Variants in UNC5C observed in about 807,000 individuals in gnomAD.
UNC5C encodes unc-5 netrin receptor C, also known as netrin receptor UNC5C.
UNC5C carries 47 observed loss-of-function variants against 99.8 expected under a neutral mutation model. That is an observed-to-expected ratio of 0.47 (90% CI 0.37 to 0.60). The LOEUF (loss-of-function observed/expected upper bound fraction) is 0.60, where lower values mean the gene tolerates loss of function less well. Among genes scored for constraint, UNC5C ranks in the 20% least tolerant of loss-of-function variants. UNC5C has a pLI of 0.00. For missense variants in UNC5C, 1,062 were observed against 1,165.9 expected (o/e 0.91, Z 1.30); for synonymous variants, 487 against 452.2 (o/e 1.08, Z -0.98).
intron 1 of UNC5C, among the ~76,000 whole-genome samples, chr4:95,493,307 A>T (rs1227181122): frequency 2.0e-5 from 3 of 151,400 alleles, no homozygotes; most frequent in Non-Finnish European, 4.4e-5. Flanking sequence ...TTGAATTAGG[A>T]AGTCAAGAGA....
intron 1 of UNC5C, among the ~76,000 whole-genome samples, chr4:95,415,808 A>G (rs1008412857): frequency 1.4e-4 from 22 of 152,098 alleles, no homozygotes; most frequent in African/African-American, 5.1e-4. Flanking sequence ...TTCAGAAAGT[A>G]CAGGCGTTAA....
At chr4:95,541,661 T>A (rs1722924852) in intron 1 of UNC5C, among the ~76,000 whole-genome samples, 1 of 152,058 alleles carries the variant, frequency 6.6e-6, no homozygotes, top group Admixed American at 6.6e-5. Flanking sequence ...ACTCTAAGTT[T>A]TTTTAATTTT....
intron 1 of UNC5C, among the ~76,000 whole-genome samples, chr4:95,357,506 G>A (rs1380703290): frequency 6.6e-6 from 1 of 151,940 alleles, no homozygotes; most frequent in Admixed American, 6.6e-5. Context: ...ATACTGTCCA[G>A]GCCTGTTGTC....
At chr4:95,410,456 G>T (rs187293434) in intron 1 of UNC5C, among the ~76,000 whole-genome samples, 1 of 152,140 alleles carries the variant, frequency 6.6e-6, no homozygotes, top group Non-Finnish European at 1.5e-5. Flanking sequence ...ATGTTTCAGC[G>T]TTCACTAAAA....
chr4:95,424,731 G>T (rs568317894), intron 1 of UNC5C, among the ~76,000 whole-genome samples: 1 of 151,834 alleles, frequency 6.6e-6, no homozygotes, highest in East Asian at 1.9e-4. Flanking sequence ...CACTGTGTTA[G>T]CCAGGATGGT....
intron 1 of UNC5C, among the ~76,000 whole-genome samples, chr4:95,368,240 T>C (rs912248534): frequency 2.0e-5 from 3 of 151,922 alleles, no homozygotes; most frequent in Admixed American, 2.0e-4. Flanking sequence ...TAAGTCTATG[T>C]GCTTTTCCTG....
chr4:95,443,844 C>A (rs1243833467), intron 1 of UNC5C, among the ~76,000 whole-genome samples: 1 of 152,072 alleles, frequency 6.6e-6, no homozygotes, highest in Non-Finnish European at 1.5e-5. Flanking sequence ...TTGATCTACT[C>A]TCTCTTGAAT....
At chr4:95,322,948 AAAAAAG>A (rs1289330881) in intron 2 of UNC5C, among the ~76,000 whole-genome samples, 3 of 152,040 alleles carry the variant, frequency 2.0e-5, no homozygotes, top group Admixed American at 6.6e-5. Flanking sequence ...AAAAAAAAAA[AAAAAAG>A]AAAAGAAAAA....
At chr4:95,183,120 GAT>G in intron 13 of UNC5C, 59 bp from the exon 14 acceptor site, 1 of 1,530,636 alleles carries the variant, frequency 6.5e-7, no homozygotes, top group South Asian at 1.2e-5. Context: ...ATAACTCTCA[GAT>G]GGTCTGCTGC....
intron 1 of UNC5C, among the ~76,000 whole-genome samples, chr4:95,341,075 G>GTAAA: frequency 6.6e-6 from 1 of 152,094 alleles, no homozygotes; most frequent in Non-Finnish European, 1.5e-5. Context: ...ACAGAAGATA[G>GTAAA]AATTTGACAA....
intron 2 of UNC5C, among the ~76,000 whole-genome samples, chr4:95,309,828 G>A (rs1742213257): frequency 6.6e-6 from 1 of 152,170 alleles, no homozygotes; most frequent in African/African-American, 2.4e-5. Context: ...CTCTGTTGGT[G>A]GGAATGTAAA....
intron 1 of UNC5C, among the ~76,000 whole-genome samples, chr4:95,341,519 A>T (rs1402909206): frequency 6.6e-6 from 1 of 151,576 alleles, no homozygotes; most frequent in Non-Finnish European, 1.5e-5. Flanking sequence ...GAAAGAAAGA[A>T]AGAAAGAAAA....
chr4:95,348,855 A>G (rs776264038), intron 1 of UNC5C, among the ~76,000 whole-genome samples: 16 of 151,680 alleles, frequency 1.1e-4, no homozygotes, highest in Admixed American at 8.6e-4. Context: ...TAAGTGTAAC[A>G]AGCCAGGTAC....
intron 1 of UNC5C, among the ~76,000 whole-genome samples, chr4:95,361,951 GATTATCT>G (rs1457389472): frequency 6.7e-6 from 1 of 149,848 alleles, no homozygotes; most frequent in Admixed American, 6.6e-5. Flanking sequence ...ATAAAAAACA[GATTATCT>G]ATTATCTATT....
At chr4:95,364,113 A>G (rs1327323327) in intron 1 of UNC5C, among the ~76,000 whole-genome samples, 1 of 152,166 alleles carries the variant, frequency 6.6e-6, no homozygotes, top group African/African-American at 2.4e-5. Context: ...ATGCCGTGAA[A>G]CTTTCTGGAG....
At chr4:95,280,970 T>C (rs1289604330) in intron 3 of UNC5C, among the ~76,000 whole-genome samples, 4 of 152,188 alleles carry the variant, frequency 2.6e-5, no homozygotes, top group Non-Finnish European at 4.4e-5. Flanking sequence ...TGGCTTCTCT[T>C]GTTTTTTTGA....
At chr4:95,516,043 A>G (rs981195688) in intron 1 of UNC5C, among the ~76,000 whole-genome samples, 20 of 152,186 alleles carry the variant, frequency 1.3e-4, no homozygotes, top group African/African-American at 4.6e-4. Flanking sequence ...TCAAGTAAAA[A>G]ATTAACTGTA....
At chr4:95,260,248 C>A (rs551129900) in intron 4 of UNC5C, among the ~76,000 whole-genome samples, 2 of 152,160 alleles carry the variant, frequency 1.3e-5, no homozygotes, top group Admixed American at 6.5e-5. Flanking sequence ...AACAAAAAAA[C>A]CCCAAAGTAG....
intron 1 of UNC5C, among the ~76,000 whole-genome samples, chr4:95,364,387 C>T (rs1744489920): frequency 6.6e-6 from 1 of 152,180 alleles, no homozygotes; most frequent in Non-Finnish European, 1.5e-5. Context: ...GACAATTTGA[C>T]ACAGCATTCA....
Sources: allele counts gnomAD v4.1 joint callset (sites outside exome capture counted in the v4.1 genomes callset), GRCh38; gene constraint gnomAD v4.1.1; transcripts MANE v1.5; gene names NCBI Gene and HGNC (gene_info 2026-07-23, HGNC 2026-07-21).